The following DMXL1 variants were observed in gnomAD, a reference collection of about 807,000 sequenced individuals.
DMXL1 encodes the protein dmX-like protein 1.
DMXL1 carries 99 observed loss-of-function variants against 319.2 expected under a neutral mutation model. That is an observed-to-expected ratio of 0.31 (90% CI 0.26 to 0.37). The LOEUF (loss-of-function observed/expected upper bound fraction) is 0.37. Ranked by LOEUF, DMXL1 falls within the 10% of genes least tolerant of loss-of-function variation. DMXL1 has a pLI of 1.00. For synonymous variants in DMXL1, 1,385 were observed against 1,235.2 expected (o/e 1.12, Z -2.54); for missense variants, 3,745 against 3,595.6 (o/e 1.04, Z -1.06).
At chr5:119,152,133 A>T in intron 19 of DMXL1, 97 bp downstream of exon 19, 1 of 733,730 alleles carries the variant, frequency 1.4e-6, no homozygotes, top group Non-Finnish European at 2.3e-6. Context: ...AATGATAATG[A>T]TGACATATTT....
chr5:119,209,929 C>G (rs2150507151), intron 34 of DMXL1, among the ~76,000 whole-genome samples: 1 of 152,234 alleles, frequency 6.6e-6, no homozygotes, highest in African/African-American at 2.4e-5. Context: ...TTCTCTTACT[C>G]TATGGCTTGT....
At chr5:119,192,368 TCAGGA>T (rs1179696201) in intron 29 of DMXL1, among the ~76,000 whole-genome samples, 1 of 152,168 alleles carries the variant, frequency 6.6e-6, no homozygotes, top group Non-Finnish European at 1.5e-5. Context: ...ATCCTTCACA[TCAGGA>T]CAGAAATGTG....
chr5:119,185,980 C>CA (rs1777641903), intron 28 of DMXL1, among the ~76,000 whole-genome samples: 1 of 152,168 alleles, frequency 6.6e-6, no homozygotes, highest in South Asian at 2.1e-4. Flanking sequence ...TTGTAGTTCT[C>CA]AAACTTTTTA....
chr5:119,170,065 C>T (rs1300929786), intron 23 of DMXL1, 125 bp from the exon 24 acceptor site: 4 of 858,932 alleles, frequency 4.7e-6, no homozygotes, highest in Non-Finnish European at 5.2e-6. Context: ...TCATTGTGGC[C>T]TATTAGTAAA....
chr5:119,173,267 G>A (rs1471725514), intron 25 of DMXL1, among the ~76,000 whole-genome samples: 1 of 151,342 alleles, frequency 6.6e-6, no homozygotes, highest in Non-Finnish European at 1.5e-5. Context: ...TTGAACCCAG[G>A]AGGCAGAGGT....
At position 119,099,399 on chromosome 5, in the gene DMXL1, C is replaced by T. The variant is rs569928685; in HGVS notation, c.213+1295C>T. 3.3e-5 allele frequency among the ~76,000 whole-genome samples: 5 copies of T among 151,982 alleles called. No homozygotes were observed. The South Asian group carries it at 6.2e-4, about 19-fold the overall frequency. The stretch of plus-strand genomic sequence containing the variant: ...CTAATTTTTGTATTTTTAGTAGAAA[C>T]GGGGTTTCATCATGTTGGTAAGTCT... On this transcript the variant is annotated intron_variant, in intron 2 of 43. Coordinates refer to ENST00000539542, the MANE Select transcript of DMXL1 (RefSeq NM_001290321.3).
At chr5:119,157,291 A>G (rs892388533) in intron 19 of DMXL1, among the ~76,000 whole-genome samples, 1 of 152,142 alleles carries the variant, frequency 6.6e-6, no homozygotes, top group African/African-American at 2.4e-5. Flanking sequence ...CACTCTGCTA[A>G]TTGTATTCTT....
chr5:119,196,168 C>G (rs1317551039), intron 30 of DMXL1, among the ~76,000 whole-genome samples: 2 of 152,168 alleles, frequency 1.3e-5, no homozygotes, highest in Non-Finnish European at 2.9e-5. Context: ...GTACTCTCCT[C>G]ATGGACAATT....
At chr5:119,221,294 A>T (rs2150582808) in intron 37 of DMXL1, among the ~76,000 whole-genome samples, 1 of 152,268 alleles carries the variant, frequency 6.6e-6, no homozygotes, top group African/African-American at 2.4e-5. Context: ...TTTGCTTGAA[A>T]ACCAAAGAGC....
chr5:119,092,059 A>G (rs547261735), intron 1 of DMXL1, among the ~76,000 whole-genome samples: 109 of 152,182 alleles, frequency 7.2e-4, no homozygotes, highest in Non-Finnish European at 1.3e-3. Flanking sequence ...TGTAGAAACA[A>G]TGTTTGGGGA....
intron 1 of DMXL1, among the ~76,000 whole-genome samples, chr5:119,084,726 G>T (rs756826732): frequency 6.6e-6 from 1 of 151,936 alleles, no homozygotes; most frequent in African/African-American, 2.4e-5. Context: ...TTAGCCCGGC[G>T]TGGTGGCACA....
intron 13 of DMXL1, among the ~76,000 whole-genome samples, chr5:119,142,768 A>G (rs891508347): frequency 6.6e-6 from 1 of 152,142 alleles, no homozygotes; most frequent in Non-Finnish European, 1.5e-5. Context: ...TCACAATAGC[A>G]AAGACATAGA....
chr5:119,119,218 G>A (rs1317812226), intron 8 of DMXL1, among the ~76,000 whole-genome samples: 4 of 152,160 alleles, frequency 2.6e-5, no homozygotes, highest in African/African-American at 9.7e-5. Context: ...TAGGTTTACT[G>A]ATGATGATAA....
chr5:119,180,102 G>A (rs761108069), intron 28 of DMXL1, among the ~76,000 whole-genome samples: 1 of 152,130 alleles, frequency 6.6e-6, no homozygotes, highest in Non-Finnish European at 1.5e-5. Context: ...TGCTTTACAA[G>A]TAGAAGCATT....
At chr5:119,182,133 C>G (rs1319767862) in intron 28 of DMXL1, among the ~76,000 whole-genome samples, 4 of 152,002 alleles carry the variant, frequency 2.6e-5, no homozygotes, top group African/African-American at 9.7e-5. Flanking sequence ...CATTGATGTG[C>G]CAAGAGTCTA....
chr5:119,217,186 C>G (rs1181212400), intron 35 of DMXL1, among the ~76,000 whole-genome samples, 199 bp downstream of exon 35: 2 of 152,024 alleles, frequency 1.3e-5, no homozygotes, highest in African/African-American at 4.8e-5. Flanking sequence ...GGAGATACAG[C>G]TGATACATAA....
intron 18 of DMXL1, among the ~76,000 whole-genome samples, chr5:119,150,693 G>C (rs1035513773): frequency 1.3e-5 from 2 of 151,890 alleles, no homozygotes; most frequent in African/African-American, 2.4e-5. Flanking sequence ...TCAGGAGGCT[G>C]AGGTGGGATG....
chr5:119,146,011 A>G (rs1768442614), intron 15 of DMXL1, among the ~76,000 whole-genome samples: 1 of 151,796 alleles, frequency 6.6e-6, no homozygotes. Flanking sequence ...CTAACTTAGA[A>G]TACATTACCA....
chr5:119,175,064 C>T (rs533059608), intron 25 of DMXL1, among the ~76,000 whole-genome samples, 197 bp from the exon 26 acceptor site: 52 of 151,960 alleles, frequency 3.4e-4, no homozygotes, highest in South Asian at 8.3e-4. Context: ...AAGACTTTAG[C>T]GTGTTTTCTT....
Sources: gnomAD v4.1 joint callset for allele counts (sites outside exome capture counted in the v4.1 genomes callset) on GRCh38, gnomAD v4.1.1 for gene constraint, MANE v1.5 for transcripts, NCBI Gene and HGNC (gene_info 2026-07-23, HGNC 2026-07-21) for gene names.